Variants in PSME4 observed in about 807,000 individuals in gnomAD.
PSME4 encodes the protein proteasome activator complex subunit 4.
Under a neutral mutation model 253.9 loss-of-function variants are expected in PSME4, and 89 were observed. That is an observed-to-expected ratio of 0.35 (90% CI 0.30 to 0.42). The LOEUF (loss-of-function observed/expected upper bound fraction) is 0.42, where lower values mean the gene tolerates loss of function less well. Among genes scored for constraint, PSME4 ranks in the 10% least tolerant of loss-of-function variants. The pLI is 1.00. For synonymous variants in PSME4, 851 were observed against 759.2 expected, an observed-to-expected ratio of 1.12 and a Z score of -1.99; for missense variants, 2,014 against 2,195.2, an observed-to-expected ratio of 0.92 and a Z score of 1.65.
At chr2:53,875,511 C>T (rs1679078216) in intron 42 of PSME4, 116 bp downstream of exon 42, 1 of 1,024,402 alleles carries the variant, frequency 9.8e-7, no homozygotes, top group Non-Finnish European at 1.4e-6. Flanking sequence ...TTCTCTTATA[C>T]TAAAAGAAAA....
intron 1 of PSME4, among the ~76,000 whole-genome samples, chr2:53,965,423 G>T (rs1670675696): frequency 6.6e-6 from 1 of 151,836 alleles, no homozygotes; most frequent in African/African-American, 2.4e-5. Context: ...GTAGAGACAG[G>T]GTTTCACCAT....
At chr2:53,890,658 T>C (rs1461278488) in intron 36 of PSME4, among the ~76,000 whole-genome samples, 2 of 152,166 alleles carry the variant, frequency 1.3e-5, no homozygotes, top group East Asian at 1.9e-4. Context: ...ATTATCACCA[T>C]ACATATCCAG....
intron 14 of PSME4, among the ~76,000 whole-genome samples, chr2:53,924,587 CTG>C (rs977252891): frequency 2.3e-4 from 35 of 152,096 alleles, no homozygotes; most frequent in Admixed American, 1.2e-3. Flanking sequence ...AGCTGAGTAA[CTG>C]TTTTTAATTG....
At chr2:53,922,605 T>C (rs943653168) in intron 16 of PSME4, 21 bp from the exon 17 acceptor site, 1 of 1,606,704 alleles carries the variant, frequency 6.2e-7, no homozygotes, top group African/African-American at 1.3e-5. Context: ...CAAAATACTA[T>C]TAGGGGGAAA....
At chr2:53,936,399 A>G (rs944013271) in intron 6 of PSME4, among the ~76,000 whole-genome samples, 15 of 152,190 alleles carry the variant, frequency 9.9e-5, no homozygotes, top group African/African-American at 3.4e-4. Context: ...ACCATCCACA[A>G]TGAATATAGA....
At position 53,940,952 on chromosome 2, in the gene PSME4, C is replaced by CATATTTAAATATATATATAT. The variant is rs61078234; in HGVS notation, c.501-953_501-952insATATATATATATTTAAATAT. Among the ~76,000 whole-genome samples, 12 of 24,022 alleles carry CATATTTAAATATATATATAT rather than the reference C, an allele frequency of 5.0e-4. 1 individual carries two copies. Among genetic ancestry groups the CATATTTAAATATATATATAT allele is most frequent in the East Asian group, 3.5e-3 (3 of 848 alleles). The allele number at this position is 24,022 out of a possible 152,430, so 15.8% of individuals were successfully genotyped here. On this transcript the variant is annotated intron_variant, in intron 3 of 46. Coordinates refer to ENST00000404125, the MANE Select transcript of PSME4 (RefSeq NM_014614.3). ...TAATACATATATAAATATATATATACATATATATATATATATATATATATA... is the reference window on the plus strand; with the variant it reads ...TAATACATATATAAATATATATATACATATTTAAATATATATATATATATATATATATATATATATATATA...
Position 53,923,112 on chromosome 2 carries a change from G to C in PSME4, c.1915C>G (p.Pro639Ala), listed in dbSNP as rs1668397269. The change falls in exon 16 of 47, where the codon CCA (proline) becomes GCA (alanine). Residue 639 changes from proline (P) to alanine (A), a missense_variant. Around this residue, in one of 4 missense-constraint regions of PSME4, gnomAD observed 989 missense variants for 1,021.1 expected, o/e 0.97. Transcript: ENST00000404125. Reference protein sequence around the residue: ...DMCRAAVKCCPEESLKLFVPH... With the variant: ...DMCRAAVKCCAEESLKLFVPH... ...ACAAAGAGCTTCAAAGATTCTTCTGGGCAGCACTGAAAATGTATTTGTATA... is the reference window on the plus strand; with the variant it reads ...ACAAAGAGCTTCAAAGATTCTTCTGCGCAGCACTGAAAATGTATTTGTATA... 1 of 1,605,418 alleles carries C rather than the reference G, an allele frequency of 6.2e-7. No individual in the cohort carries two copies. Among genetic ancestry groups the C allele is most frequent in the Non-Finnish European group, 8.5e-7 (1 of 1,175,296 alleles).
chr2:53,902,252 T>C (rs1011404310), intron 27 of PSME4, among the ~76,000 whole-genome samples: 8 of 152,184 alleles, frequency 5.3e-5, no homozygotes, highest in Non-Finnish European at 8.8e-5. Flanking sequence ...TATTAAATAT[T>C]AGTTAACACC....
chr2:53,958,339 G>C (rs1670328672), intron 1 of PSME4, among the ~76,000 whole-genome samples: 1 of 151,512 alleles, frequency 6.6e-6, no homozygotes, highest in Non-Finnish European at 1.5e-5. Flanking sequence ...CTGGGCCACA[G>C]AGTGAGACTC....
intron 41 of PSME4, 83 bp from the exon 42 acceptor site, chr2:53,875,838 C>T: frequency 7.8e-7 from 1 of 1,290,318 alleles, no homozygotes; most frequent in Non-Finnish European, 1.1e-6. Context: ...GACAACACAT[C>T]TTTAATTTAA....
In PSME4 at chr2:53,940,867, T is replaced by TTTAAATATATATAATAC. The variant is rs1488367847; in HGVS notation, c.501-868_501-867insGTATTATATATATTTAA. ...CAAAAAAATTTATATATATATAATA[T>TTTAAATATATATAATAC]ATATTTAAATATATATAATACATAT... On this transcript the variant is annotated intron_variant, in intron 3 of 46. Transcript: ENST00000404125. Among the ~76,000 whole-genome samples, 16 of 114,086 alleles carry TTTAAATATATATAATAC rather than the reference T, an allele frequency of 1.4e-4. 1 individual carries two copies. The East Asian group carries it at 3.4e-3, about 24-fold the overall frequency. 74.8% of individuals were successfully genotyped at this position (114,086 alleles called of 152,430 possible). A position where few individuals can be genotyped will look rare whatever the true frequency, so the allele number is the denominator to read the frequency against.
chr2:53,943,015 C>T (rs181871732), intron 3 of PSME4, among the ~76,000 whole-genome samples: 10 of 152,306 alleles, frequency 6.6e-5, no homozygotes, highest in Admixed American at 2.0e-4. Flanking sequence ...CAATAGTCTT[C>T]GCCTCCAGTT....
In PSME4 at chr2:53,866,869, G is replaced by A. The variant is rs375540598; in HGVS notation, c.5275C>T (p.Arg1759Cys). The A allele has an allele frequency of 2.5e-6, 4 of 1,613,652 alleles. No individual in the cohort carries two copies. The highest frequency in any genetic ancestry group is 3.4e-6 in the Non-Finnish European group (4 of 1,179,828). The stretch of plus-strand genomic sequence containing the variant: ...CCAAGTCCTAGCACCCCAGCATGGC[G>A]TTTGACCAACTCTGCAAAGAGAATA... ...DTIPSAELVK[R>C]HAGVLGLGAC... Residue 1759 changes from arginine (R) to cysteine (C), a missense_variant, in exon 45 of 47, where the codon CGC (arginine) becomes TGC (cysteine). Around this residue, in one of 4 missense-constraint regions of PSME4, gnomAD observed 403 missense variants for 556.1 expected, o/e 0.72. Transcript: ENST00000404125.
In PSME4 at chr2:53,894,919, A is replaced by G; in HGVS notation, c.3912+88T>C. On this transcript the variant is annotated intron_variant, in intron 34 of 46. Coordinates refer to ENST00000404125, the MANE Select transcript of PSME4 (RefSeq NM_014614.3). ...AAAACACAAATTGTATTAAGAAAAA[A>G]AAGAAGAAGAAGAACTGAAGTGAGG... The G allele has an allele frequency of 2.6e-6, 3 of 1,176,394 alleles. No individual in the cohort carries two copies. In the Admixed American group the frequency reaches 6.7e-5, roughly 26 times the overall value. 72.9% of individuals were successfully genotyped at this position (1,176,394 alleles called of 1,614,324 possible).
At chr2:53,938,629 A>C (rs1324488628) in intron 4 of PSME4, among the ~76,000 whole-genome samples, 2 of 152,132 alleles carry the variant, frequency 1.3e-5, no homozygotes, top group Non-Finnish European at 2.9e-5. Flanking sequence ...TTAAAATACA[A>C]ACAGCATATG....
In PSME4 at chr2:53,966,659, T is replaced by A. The variant is rs141691397; in HGVS notation, c.242+3884A>T. On this transcript the variant is annotated intron_variant, in intron 1 of 46. Coordinates refer to ENST00000404125, the MANE Select transcript of PSME4 (RefSeq NM_014614.3). ...TCTAACGAGCACCCGCAGCCCCTCA[T>A]GAAAGGTCCAGAAAGGCAAGAGGGC... Among the ~76,000 whole-genome samples the A allele has an allele frequency of 7.9e-5, 12 of 152,178 alleles. No homozygotes were observed. In the East Asian group the frequency reaches 2.1e-3, roughly 27 times the overall value.
At position 53,923,166 on chromosome 2, in the gene PSME4, T is replaced by C. The variant is rs564091990; in HGVS notation, c.1909-48A>G. 20 of 1,513,616 alleles carry C rather than the reference T, an allele frequency of 1.3e-5. No homozygotes were observed. The East Asian group carries it at 3.4e-4, about 26-fold the overall frequency. 93.8% of individuals were successfully genotyped at this position (1,513,616 alleles called of 1,614,324 possible). ...AAGGCTTTTTTGAAAGGCAAATATATACAAGATTATATTTTCAGTGGCAGT... is the reference window on the plus strand; with the variant it reads ...AAGGCTTTTTTGAAAGGCAAATATACACAAGATTATATTTTCAGTGGCAGT... On this transcript the variant is annotated intron_variant, in intron 15 of 46. Transcript: ENST00000404125.
Position 53,921,105 on chromosome 2 carries a change from C to G in PSME4, c.2047-1G>C. ...ACTTCCTTCCATCCACTCGAGTAATCTAAAAGGAGGGAAAAAATAGTTGAA... is the reference window on the plus strand; with the variant it reads ...ACTTCCTTCCATCCACTCGAGTAATGTAAAAGGAGGGAAAAAATAGTTGAA... On this transcript the variant is annotated splice_acceptor_variant, in intron 17 of 46. Coordinates refer to ENST00000404125, the MANE Select transcript of PSME4 (RefSeq NM_014614.3). LOFTEE classifies it high-confidence loss of function. The G allele has an allele frequency of 6.2e-7, 1 of 1,612,696 alleles. No individual in the cohort carries two copies. The highest frequency in any genetic ancestry group is 8.5e-7 in the Non-Finnish European group (1 of 1,179,768).
intron 9 of PSME4, 21 bp downstream of exon 9, chr2:53,932,647 A>T (rs757026448): frequency 5.1e-6 from 8 of 1,571,688 alleles, no homozygotes; most frequent in Middle Eastern, 1.7e-4. Flanking sequence ...AAGCCCTATA[A>T]TGCAAAACGA....
Sources: gnomAD v4.1 joint callset for allele counts (sites outside exome capture counted in the v4.1 genomes callset) on GRCh38, gnomAD v4.1.1 for gene constraint, gnomAD v4.1.1 regional missense constraint, MANE v1.5 for transcripts, NCBI Gene and HGNC (gene_info 2026-07-23, HGNC 2026-07-21) for gene names.